The following MACROD2 variants were observed in gnomAD, a reference collection of about 807,000 sequenced individuals.
The protein encoded by MACROD2 is mono-ADP ribosylhydrolase 2.
Under a neutral mutation model 70.4 loss-of-function variants are expected in MACROD2, and 36 were observed. The observed-to-expected ratio is 0.51, with a 90% CI of 0.39 to 0.68. The LOEUF (loss-of-function observed/expected upper bound fraction) is 0.68. Ranked by LOEUF, MACROD2 falls within the 30% of genes least tolerant of loss-of-function variation. The pLI is 0.00. For synonymous variants in MACROD2, 172 were observed against 178.8 expected (o/e 0.96, Z 0.30); for missense variants, 496 against 538.4 (o/e 0.92, Z 0.78).
intron 5 of MACROD2, chr20:14,757,814 C>T: frequency 1.3e-6 from 2 of 1,529,126 alleles, no homozygotes; most frequent in African/African-American, 1.4e-5. Flanking sequence ...CCTTCATCTG[C>T]CCCCGGAGAT....
intron 8 of MACROD2, among the ~76,000 whole-genome samples, chr20:15,844,473 G>A: frequency 6.6e-6 from 1 of 152,112 alleles, no homozygotes; most frequent in Non-Finnish European, 1.5e-5. Flanking sequence ...TGAGGTAATT[G>A]AACATGTAAG....
chr20:14,045,400 C>G (rs972473499), intron 2 of MACROD2, among the ~76,000 whole-genome samples: 1 of 152,212 alleles, frequency 6.6e-6, no homozygotes, highest in African/African-American at 2.4e-5. Context: ...TGAAAAGTTT[C>G]CACTAAAAAC....
intron 3 of MACROD2, among the ~76,000 whole-genome samples, chr20:14,483,281 T>C (rs991110719): frequency 1.3e-5 from 2 of 152,222 alleles, no homozygotes; most frequent in African/African-American, 2.4e-5. Flanking sequence ...AGAATTATCA[T>C]GGGGACATGA....
chr20:14,722,232 C>T (rs533048516), intron 5 of MACROD2, among the ~76,000 whole-genome samples: 4 of 152,298 alleles, frequency 2.6e-5, no homozygotes, highest in African/African-American at 9.6e-5. Context: ...TTTGCTGGCG[C>T]AGTGTCCACT....
chr20:14,835,944 T>C (rs1466706037), intron 5 of MACROD2, among the ~76,000 whole-genome samples: 1 of 151,976 alleles, frequency 6.6e-6, no homozygotes, highest in African/African-American at 2.4e-5. Flanking sequence ...GTAGAAAACA[T>C]TATGTCAAAT....
chr20:15,856,039 T>C (rs1206615457), intron 8 of MACROD2, among the ~76,000 whole-genome samples: 1 of 152,198 alleles, frequency 6.6e-6, no homozygotes, highest in Non-Finnish European at 1.5e-5. Flanking sequence ...TAGGTATCTA[T>C]GTAGGAGTGA....
chr20:14,599,086 A>G lies in MACROD2; in HGVS notation c.302-85757A>G, dbSNP rs543189063. Among the ~76,000 whole-genome samples the G allele has an allele frequency of 1.7e-3, 255 of 152,294 alleles. 1 individual carries two copies. Among genetic ancestry groups the G allele is most frequent in the African/African-American group, 5.7e-3 (238 of 41,562 alleles). ...GGTATGTCAGGGTGAGGCATTAACC[A>G]TCTAGCAGGGATACAGGTACACCCA... On this transcript the variant is annotated intron_variant, in intron 4 of 17. Coordinates refer to ENST00000684519, the MANE Select transcript of MACROD2 (RefSeq NM_001351661.2).
intron 5 of MACROD2, chr20:14,893,234 T>C (rs561026162): frequency 4.3e-4 from 66 of 152,300 alleles, no homozygotes; most frequent in African/African-American, 1.6e-3. Flanking sequence ...CCCTTGGTTC[T>C]TGTGAATAAT....
At chr20:15,618,775 G>C (rs1327964143) in intron 8 of MACROD2, among the ~76,000 whole-genome samples, 1 of 152,154 alleles carries the variant, frequency 6.6e-6, no homozygotes, top group Non-Finnish European at 1.5e-5. Flanking sequence ...CACCTTACCC[G>C]GTGCCTAGAC....
At chr20:14,637,768 T>C (rs1039153038) in intron 4 of MACROD2, among the ~76,000 whole-genome samples, 4 of 152,186 alleles carry the variant, frequency 2.6e-5, no homozygotes, top group African/African-American at 7.2e-5. Flanking sequence ...ATTTTTTTTT[T>C]CCAAATTTTT....
At chr20:14,985,321 A>G (rs540358762) in intron 5 of MACROD2, among the ~76,000 whole-genome samples, 2 of 152,308 alleles carry the variant, frequency 1.3e-5, no homozygotes, top group Middle Eastern at 3.4e-3. Flanking sequence ...CTTCACCATG[A>G]TGCCCTTCCA....
At chr20:14,127,649 C>T (rs2054669028) in intron 3 of MACROD2, 1 of 421,394 alleles carries the variant, frequency 2.4e-6, no homozygotes, top group African/African-American at 2.1e-5. Flanking sequence ...CAGAATGAAG[C>T]AAATACCATT....
intron 5 of MACROD2, among the ~76,000 whole-genome samples, chr20:15,006,126 ATT>A (rs923912055): frequency 1.4e-5 from 2 of 138,306 alleles, no homozygotes; most frequent in Non-Finnish European, 1.5e-5. Flanking sequence ...CAAAGAATGC[ATT>A]TTATATATAT....
intron 2 of MACROD2, among the ~76,000 whole-genome samples, chr20:14,018,817 A>G (rs907290977): frequency 2.6e-5 from 4 of 152,180 alleles, no homozygotes; most frequent in Non-Finnish European, 5.9e-5. Context: ...CAGTGTGCAT[A>G]GAAGCAAATA....
chr20:14,598,951 G>T (rs1982313719), intron 4 of MACROD2, among the ~76,000 whole-genome samples: 1 of 152,046 alleles, frequency 6.6e-6, no homozygotes, highest in East Asian at 1.9e-4. Context: ...AATAAGATAA[G>T]ATTTGGATAT....
At chr20:15,672,455 G>GT (rs2049994019) in intron 8 of MACROD2, among the ~76,000 whole-genome samples, 1 of 151,390 alleles carries the variant, frequency 6.6e-6, no homozygotes, top group Non-Finnish European at 1.5e-5. Flanking sequence ...GACATCTGTT[G>GT]TTTGTTTTTG....
chr20:14,230,631 T>TGTGTGTATATATATATATATATA (rs1569217269), intron 3 of MACROD2, among the ~76,000 whole-genome samples: 1 of 94,262 alleles, frequency 1.1e-5, no homozygotes, highest in Non-Finnish European at 1.9e-5. Flanking sequence ...TCATTCATGT[T>TGTGTGTATATATATATATATATA]TATATATATA....
chr20:14,497,352 G>A lies in MACROD2; in HGVS notation c.301+3844G>A, dbSNP rs1447990196. The stretch of plus-strand genomic sequence containing the variant: ...CATCTGTAATAAGAATGTTGTACAT[G>A]CACAAGGTCCTGTGATGCTGGTACT... On this transcript the variant is annotated intron_variant, in intron 4 of 17. Transcript: ENST00000684519. Among the ~76,000 whole-genome samples the A allele has an allele frequency of 3.3e-5, 5 of 151,670 alleles. 1 individual carries two copies. Among genetic ancestry groups the A allele is most frequent in the African/African-American group, 1.2e-4 (5 of 40,970 alleles).
intron 4 of MACROD2, among the ~76,000 whole-genome samples, chr20:14,529,808 T>G (rs1248041140): frequency 6.6e-6 from 1 of 152,226 alleles, no homozygotes; most frequent in Non-Finnish European, 1.5e-5. Context: ...AGCTCTCATT[T>G]TTAATATTAG....
Sources: gnomAD v4.1 joint callset for allele counts (sites outside exome capture counted in the v4.1 genomes callset) on GRCh38, gnomAD v4.1.1 for gene constraint, MANE v1.5 for transcripts, NCBI Gene and HGNC (gene_info 2026-07-23, HGNC 2026-07-21) for gene names.